Variants in FBLN5 observed in about 807,000 individuals in gnomAD.
FBLN5 encodes fibulin 5.
A neutral mutation model predicts 61.6 loss-of-function variants in FBLN5; 24 were observed. That is an observed-to-expected ratio of 0.39 (90% CI 0.28 to 0.55). The LOEUF (loss-of-function observed/expected upper bound fraction) is 0.55. FBLN5 is among the 20% of genes least tolerant of loss of function. The probability of loss-of-function intolerance (pLI) is 0.65; values close to 1 mark genes in which losing one functional copy is unlikely to be tolerated. For synonymous variants in FBLN5, 213 were observed against 219.8 expected (o/e 0.97, Z 0.27); for missense variants, 470 against 594.1 (o/e 0.79, Z 2.17).
At chr14:91,930,117 G>A (rs111464316) in intron 4 of FBLN5, among the ~76,000 whole-genome samples, 24 of 152,340 alleles carry the variant, frequency 1.6e-4, no homozygotes, top group African/African-American at 5.5e-4. Flanking sequence ...AGCAGGAGAA[G>A]TCATCACGGA....
intron 4 of FBLN5, among the ~76,000 whole-genome samples, chr14:91,921,086 C>T (rs1173741879): frequency 6.6e-6 from 1 of 152,224 alleles, no homozygotes; most frequent in Non-Finnish European, 1.5e-5. Flanking sequence ...TGTCCTGCGG[C>T]TTCGTTGGAA....
At chr14:91,904,890 T>C (rs1861085) in intron 4 of FBLN5, among the ~76,000 whole-genome samples, 112,570 of 152,162 alleles carry the variant, frequency 0.74, 42,464 homozygotes, top group Admixed American at 0.84. Context: ...TCTTTCCTCC[T>C]GGGACAGCTT....
chr14:91,914,502 CAA>C (rs1312702025), intron 4 of FBLN5, among the ~76,000 whole-genome samples: 2 of 75,776 alleles, frequency 2.6e-5, no homozygotes, highest in Non-Finnish European at 5.4e-5. Context: ...AAAAAAAAAA[CAA>C]CAAATATTAG....
intron 9 of FBLN5, chr14:91,878,005 T>C (rs1566799358): frequency 8.3e-6 from 4 of 484,042 alleles, no homozygotes; most frequent in Non-Finnish European, 1.6e-5. Flanking sequence ...AATATGCCAC[T>C]CCAGCCTGGG....
At chr14:91,913,543 A>G (rs762405048) in intron 4 of FBLN5, among the ~76,000 whole-genome samples, 1 of 152,208 alleles carries the variant, frequency 6.6e-6, no homozygotes, top group Non-Finnish European at 1.5e-5. Flanking sequence ...AGCATAGAAG[A>G]CAATTTTGAG....
intron 4 of FBLN5, among the ~76,000 whole-genome samples, chr14:91,925,352 C>G: frequency 6.6e-6 from 1 of 152,172 alleles, no homozygotes; most frequent in Admixed American, 6.5e-5. Context: ...TCCTTGACAT[C>G]TAGTCTGTTG....
chr14:91,891,440 C>A (rs114834144), intron 5 of FBLN5, 103 bp from the exon 6 acceptor site: 1 of 818,766 alleles, frequency 1.2e-6, no homozygotes. Context: ...GGATCATGAA[C>A]GGAAGCAAAT....
intron 6 of FBLN5, among the ~76,000 whole-genome samples, chr14:91,887,905 T>TGTG (rs1418226712): frequency 6.6e-6 from 1 of 152,018 alleles, no homozygotes. Flanking sequence ...TTATCTTGAG[T>TGTG]GTGGTGGTGG....
intron 10 of FBLN5, among the ~76,000 whole-genome samples, chr14:91,873,045 T>C (rs993155843): frequency 6.6e-6 from 1 of 152,182 alleles, no homozygotes; most frequent in African/African-American, 2.4e-5. Context: ...TTTGAAATCC[T>C]AGACTCTCCC....
At chr14:91,937,460 C>T (rs2056038450) in intron 3 of FBLN5, among the ~76,000 whole-genome samples, 1 of 152,000 alleles carries the variant, frequency 6.6e-6, no homozygotes, top group South Asian at 2.1e-4. Flanking sequence ...TTTGAATGTC[C>T]CTCCAAAACT....
Position 91,887,205 on chromosome 14 carries a change from C to T in FBLN5, c.727G>A (p.Val243Ile), listed in dbSNP as rs976720995. 82 of 1,613,846 alleles carry T rather than the reference C, an allele frequency of 5.1e-5. No individual in the cohort carries two copies. The highest frequency in any genetic ancestry group is 6.3e-5 in the Non-Finnish European group (74 of 1,179,950). ...DPGYELEEDG[V>I]HCSDMDECSF... ...GAAAGCCCATTACCACTGCAATGAA[C>T]GCCATCTTCCTCAAGTTCATATCCT... The change falls in exon 7 of 11, where the codon GTT becomes ATT. Residue 243 changes from valine (V) to isoleucine (I), a missense_variant. Coordinates refer to ENST00000342058, the MANE Select transcript of FBLN5 (RefSeq NM_006329.4).
chr14:91,883,644 G>GGAAAAAAA (rs1555375076), intron 7 of FBLN5, among the ~76,000 whole-genome samples: 1 of 26,524 alleles, frequency 3.8e-5, no homozygotes. Flanking sequence ...ACTTCACTGT[G>GGAAAAAAA]TAAAAAAAAA....
rs1049082562 is a variant in FBLN5, at chr14:91,941,964, A to G, written c.72+943T>C. ...CTAAAATTCTTTGTTACTCCTCCCA[A>G]AATCCTTCCCATTGCCAGTGGCCTG... On this transcript the variant is annotated intron_variant, in intron 2 of 10. Transcript: ENST00000342058. 16 of 353,518 alleles carry G rather than the reference A, an allele frequency of 4.5e-5. 1 individual carries two copies. The highest frequency in any genetic ancestry group is 8.6e-5 in the African/African-American group (4 of 46,584). 21.9% of individuals were successfully genotyped at this position (353,518 alleles called of 1,614,324 possible). A position where few individuals can be genotyped will look rare whatever the true frequency, so the allele number is the denominator to read the frequency against.
In FBLN5 at chr14:91,894,670, C is replaced by T. The variant is rs139290606; in HGVS notation, c.502+280G>A. On this transcript the variant is annotated intron_variant, in intron 5 of 10. Transcript: ENST00000342058. ...CCAGGAGGCGGAGGTTGCGGTGAGC[C>T]GAAATTGCGCCATTGCACTCCAGCC... 0.012 allele frequency among the ~76,000 whole-genome samples: 1,776 copies of T among 152,122 alleles called. 36 individuals are homozygous for T. Among genetic ancestry groups the T allele is most frequent in the African/African-American group, 0.04 (1,672 of 41,476 alleles).
At chr14:91,934,228 T>C (rs188652103) in intron 4 of FBLN5, among the ~76,000 whole-genome samples, 12 of 152,262 alleles carry the variant, frequency 7.9e-5, no homozygotes, top group African/African-American at 2.6e-4. Context: ...AAGGACCTTG[T>C]TTTTAATCCT....
intron 7 of FBLN5, among the ~76,000 whole-genome samples, chr14:91,885,445 A>G (rs559466733): frequency 9.8e-5 from 15 of 152,306 alleles, no homozygotes; most frequent in African/African-American, 3.6e-4. Context: ...GTTGTGGGGT[A>G]GGCAGGAATA....
chr14:91,944,604 TAGTATTC>T (rs1164199276), intron 1 of FBLN5, among the ~76,000 whole-genome samples: 3 of 152,210 alleles, frequency 2.0e-5, no homozygotes, highest in Non-Finnish European at 4.4e-5. Flanking sequence ...CACAAGGGAA[TAGTATTC>T]AGTCTTAAAA....
intron 4 of FBLN5, among the ~76,000 whole-genome samples, chr14:91,895,299 G>A (rs1010778554): frequency 1.3e-5 from 2 of 152,216 alleles, no homozygotes; most frequent in African/African-American, 4.8e-5. Context: ...AAATGGCCAA[G>A]AAGGGAACCC....
In FBLN5 at chr14:91,909,962, T is replaced by C. The variant is rs576415586; in HGVS notation, c.380-14890A>G. Among the ~76,000 whole-genome samples the C allele has an allele frequency of 1.0e-3, 156 of 152,342 alleles. 1 individual carries two copies. Among genetic ancestry groups the C allele is most frequent in the African/African-American group, 3.6e-3 (151 of 41,572 alleles). ...TGGGTAGCCACTATGGAAAACTGTATGGTGGTTCTCCAAAAATTAAATACA... is the reference window on the plus strand; with the variant it reads ...TGGGTAGCCACTATGGAAAACTGTACGGTGGTTCTCCAAAAATTAAATACA... On this transcript the variant is annotated intron_variant, in intron 4 of 10. Transcript: ENST00000342058.
Sources: allele counts gnomAD v4.1 joint callset (sites outside exome capture counted in the v4.1 genomes callset), GRCh38; gene constraint gnomAD v4.1.1; transcripts MANE v1.5; gene names NCBI Gene and HGNC (gene_info 2026-07-23, HGNC 2026-07-21).